DNAH8: variants seen among roughly 807,000 people sequenced by gnomAD.
The protein encoded by DNAH8 is dynein axonemal heavy chain 8.
A neutral mutation model predicts 562.1 loss-of-function variants in DNAH8; 382 were observed. That is an observed-to-expected ratio of 0.68 (90% CI 0.63 to 0.74). The LOEUF is 0.74. Among genes scored for constraint, DNAH8 ranks in the 30% least tolerant of loss-of-function variants. The pLI is 0.00. For synonymous variants in DNAH8, 1,881 were observed against 1,919.4 expected (o/e 0.98, Z 0.52); for missense variants, 5,203 against 5,620.4 (o/e 0.93, Z 2.37).
rs564364221 is a variant in DNAH8 at position 38,899,578 on chromosome 6, A to G, written c.9064-198A>G. 5.9e-5 allele frequency among the ~76,000 whole-genome samples: 9 copies of G among 152,378 alleles called. No homozygotes were observed. In the East Asian group the frequency reaches 1.5e-3, roughly 26 times the overall value. On this transcript the variant is annotated intron_variant, in intron 61 of 92. Coordinates refer to ENST00000327475, the MANE Select transcript of DNAH8 (RefSeq NM_001206927.2). ...TTGTTCTGTTCTTCATGATGTAAAC[A>G]TAGATGGTCAAGGAAAGATTCGAGC... is the stretch of plus-strand genomic sequence containing the variant.
Position 38,790,342 on chromosome 6 carries a change from A to G in DNAH8, c.2718A>G (p.Thr906=), listed in dbSNP as rs774758750. The change falls in exon 20 of 93, where the codon ACA becomes ACG. Residue 906 remains threonine (T), a synonymous_variant. Transcript: ENST00000327475. ...CAGTGTTAACATGGTCGTCTTTAAC[A>G]CTGGAAAGCTTCTTTCAAGAAGTCG... is the stretch of plus-strand genomic sequence containing the variant. ...GLTVLTWSSL[T]LESFFQEVEL... is the part of the protein sequence containing the mutation. 1.2e-6 allele frequency: 2 copies of G among 1,608,612 alleles called. No individual in the cohort carries two copies. Among genetic ancestry groups the G allele is most frequent in the African/African-American group, 1.3e-5 (1 of 74,476 alleles).
intron 47 of DNAH8, among the ~76,000 whole-genome samples, chr6:38,867,721 T>G (rs1415580204): frequency 7.3e-6 from 1 of 136,460 alleles, no homozygotes; most frequent in Non-Finnish European, 1.5e-5. Context: ...CCACTGCACT[T>G]CAGCCTGGAT....
Position 38,973,713 on chromosome 6 carries a change from A to T in DNAH8, c.12578A>T (p.Glu4193Val). Residue 4193 changes from glutamate to valine, a missense_variant, in exon 84 of 93, where the codon GAA becomes GTA. By Grantham distance (121) the Glu-to-Val change is moderately radical (BLOSUM62 -2). Transcript: ENST00000327475. ...CACCTTGGCCTGGAATTCATGGAAG[A>T]ATTACTAGAGACGCTAATTACCACT... Reference protein sequence around the residue: ...NCHLGLEFMEELLETLITTEA... With the variant: ...NCHLGLEFMEVLLETLITTEA... 1 of 1,609,468 alleles carries T rather than the reference A, an allele frequency of 6.2e-7. No homozygotes were observed. The highest frequency in any genetic ancestry group is 2.3e-5 in the East Asian group (1 of 44,410).
chr6:38,916,221 A>G (rs1029613986), intron 68 of DNAH8, among the ~76,000 whole-genome samples: 1 of 152,210 alleles, frequency 6.6e-6, no homozygotes, highest in Admixed American at 6.5e-5. Context: ...CCAGTCATAC[A>G]GAAAAATGTA....
rs565717381 is a variant in DNAH8 at position 38,822,266 on chromosome 6, A to AG, written c.3524-572_3524-571insG. 494 of 152,434 alleles carry AG rather than the reference A, an allele frequency of 3.2e-3. 3 individuals carry two copies. The highest frequency in any genetic ancestry group is 0.027 in the Middle Eastern group (8 of 296). The allele number at this position is 152,434 out of a possible 1,614,324, so 9.4% of individuals were successfully genotyped here. A position where few individuals can be genotyped will look rare whatever the true frequency, so the allele number is the denominator to read the frequency against. ...AAAATAAAAGCATTGGTGACTATTG[A>AG]AGACTGTATCAAACTGAACAGTCTA... On this transcript the variant is annotated intron_variant, in intron 26 of 92. Coordinates refer to ENST00000327475, the MANE Select transcript of DNAH8 (RefSeq NM_001206927.2).
In DNAH8 at chr6:39,030,520, T is replaced by C; in HGVS notation, c.*128T>C. On this transcript the variant is annotated 3_prime_UTR_variant, in exon 93 of 93. Coordinates refer to ENST00000327475, the MANE Select transcript of DNAH8 (RefSeq NM_001206927.2). ...TACTCTTTCTACATTAAAAAGTTGA[T>C]GTTCTAAAATTGCTAGTGCGTGTGT... 1 of 809,890 alleles carries C rather than the reference T, an allele frequency of 1.2e-6. No homozygotes were observed. Among genetic ancestry groups the C allele is most frequent in the Non-Finnish European group, 1.9e-6 (1 of 526,110 alleles). 50.2% of individuals were successfully genotyped at this position (809,890 alleles called of 1,614,324 possible).
At chr6:39,010,960 A>AC (rs1363769825) in intron 89 of DNAH8, among the ~76,000 whole-genome samples, 2 of 152,068 alleles carry the variant, frequency 1.3e-5, no homozygotes, top group Non-Finnish European at 2.9e-5. Flanking sequence ...AGGCTCTAGA[A>AC]CCAAGAATTC....
intron 23 of DNAH8, 23 bp from the exon 24 acceptor site, chr6:38,807,587 T>C: frequency 7.4e-7 from 1 of 1,355,724 alleles, no homozygotes; most frequent in Non-Finnish European, 9.8e-7. Context: ...AGATACCAAA[T>C]TTAATCTGAT....
In DNAH8 at chr6:38,971,353, CT is replaced by C. The variant is rs1262715556; in HGVS notation, c.12452-234del. 2.0e-5 allele frequency among the ~76,000 whole-genome samples: 3 copies of C among 152,226 alleles called. No individual in the cohort carries two copies. In the East Asian group the frequency reaches 5.8e-4, roughly 29 times the overall value. On this transcript the variant is annotated intron_variant, in intron 82 of 92. Transcript: ENST00000327475. ...CTCTCTAAAAGCCCACCATACGTGC[CT>C]TTTTCTCTCCCTTCCTGACCCCCAA... is the stretch of plus-strand genomic sequence containing the variant.
Position 38,921,491 on chromosome 6 carries a change from A to G in DNAH8, c.10647A>G (p.Ala3549=). 1.2e-6 allele frequency: 2 copies of G among 1,613,246 alleles called. No homozygotes were observed. Among genetic ancestry groups the G allele is most frequent in the South Asian group, 1.1e-5 (1 of 90,922 alleles). Residue 3549 remains alanine, a synonymous_variant, in exon 71 of 93, where the codon GCA becomes GCG. Transcript: ENST00000327475. ...AAGTACAGGCAAAATTTGATGCAGC[A>G]ATGAATGAGAAAATGGTGAGATTAA... ...LDKVQAKFDA[A]MNEKMDLLND... is the part of the protein sequence containing the mutation.
rs1227681840 is a variant in DNAH8 at position 38,815,792 on chromosome 6, C to T, written c.3523+135C>T. 11 of 840,334 alleles carry T rather than the reference C, an allele frequency of 1.3e-5. No homozygotes were observed. The East Asian group carries it at 2.5e-4, about 19-fold the overall frequency. The allele number at this position is 840,334 out of a possible 1,614,324, so 52.1% of individuals were successfully genotyped here. A position where few individuals can be genotyped will look rare whatever the true frequency, so the allele number is the denominator to read the frequency against. On this transcript the variant is annotated intron_variant, in intron 26 of 92. Coordinates refer to ENST00000327475, the MANE Select transcript of DNAH8 (RefSeq NM_001206927.2). ...TATGTTTCATCTTAAACATAACGTG[C>T]AGGCATTTTTTCCTGGCTTTGGGTG... is the stretch of plus-strand genomic sequence containing the variant.
At chr6:38,884,880 C>A (rs1258054867) in intron 56 of DNAH8, among the ~76,000 whole-genome samples, 2 of 152,170 alleles carry the variant, frequency 1.3e-5, no homozygotes, top group Non-Finnish European at 2.9e-5. Flanking sequence ...CCGGTGTTGC[C>A]AGAAGTCCGC....
At position 39,030,175 on chromosome 6, in the gene DNAH8, A is replaced by T. The variant is rs1277832623; in HGVS notation, c.13907A>T (p.Glu4636Val). 1 of 1,613,954 alleles carries T rather than the reference A, an allele frequency of 6.2e-7. No individual in the cohort carries two copies. Among genetic ancestry groups the T allele is most frequent in the Non-Finnish European group, 8.5e-7 (1 of 1,180,004 alleles). ...AWDRRNGKLM[E>V]STPKVLFTQL... ...GACAGACGGAATGGGAAGCTCATGGAATCCACCCCCAAGGTACTCTTCACG... is the reference window on the plus strand; with the variant it reads ...GACAGACGGAATGGGAAGCTCATGGTATCCACCCCCAAGGTACTCTTCACG... The change falls in exon 93 of 93, where the codon GAA becomes GTA. Residue 4636 changes from glutamate to valine, a missense_variant. Around this residue, in one of 6 missense-constraint regions of DNAH8, gnomAD observed 1,399 missense variants for 1,518.4 expected, o/e 0.92. Coordinates refer to ENST00000327475, the MANE Select transcript of DNAH8 (RefSeq NM_001206927.2).
chr6:38,866,992 T>G, intron 47 of DNAH8, 116 bp downstream of exon 47: 1 of 607,340 alleles, frequency 1.6e-6, no homozygotes, highest in Admixed American at 3.1e-5. Flanking sequence ...TTTTCTAAAA[T>G]GCTTTTAGAA....
rs568312577 is a variant in DNAH8 at position 38,730,907 on chromosome 6, TC to T, written c.610+925del. ...TTGCCTTTCTTCTCTCCACTCAGCATCCCCTACCCGGCTCCTTCAGAACACC... is the reference window on the plus strand; with the variant it reads ...TTGCCTTTCTTCTCTCCACTCAGCATCCCTACCCGGCTCCTTCAGAACACC... On this transcript the variant is annotated intron_variant, in intron 4 of 92. Coordinates refer to ENST00000327475, the MANE Select transcript of DNAH8 (RefSeq NM_001206927.2). 2.9e-3 allele frequency among the ~76,000 whole-genome samples: 437 copies of T among 152,166 alleles called. 2 individuals are homozygous for T. Among genetic ancestry groups the T allele is most frequent in the African/African-American group, 0.01 (422 of 41,510 alleles).
chr6:38,783,807 A>G (rs533972124), intron 17 of DNAH8, among the ~76,000 whole-genome samples: 1 of 152,180 alleles, frequency 6.6e-6, no homozygotes, highest in Non-Finnish European at 1.5e-5. Flanking sequence ...TCTTAGTTAT[A>G]ATCTCAACCC....
chr6:38,809,981 TCTTTA>T (rs1165992897), intron 24 of DNAH8, among the ~76,000 whole-genome samples: 4 of 152,348 alleles, frequency 2.6e-5, no homozygotes, highest in Admixed American at 1.3e-4. Flanking sequence ...TGTTTCAGTC[TCTTTA>T]CTTAAGCCTT....
intron 53 of DNAH8, among the ~76,000 whole-genome samples, chr6:38,878,612 A>G (rs767421526): frequency 1.3e-5 from 2 of 152,212 alleles, no homozygotes; most frequent in African/African-American, 2.4e-5. Flanking sequence ...ATACATTACC[A>G]TAGTCAAGGA....
intron 82 of DNAH8, among the ~76,000 whole-genome samples, chr6:38,955,418 G>T (rs1762179103): frequency 6.6e-6 from 1 of 152,016 alleles, no homozygotes; most frequent in Admixed American, 6.6e-5. Context: ...ATCATCTGAG[G>T]TCAGGAGTTT....
Sources: allele counts gnomAD v4.1 joint callset (sites outside exome capture counted in the v4.1 genomes callset), GRCh38; gene constraint gnomAD v4.1.1; regional missense constraint gnomAD v4.1.1; transcripts MANE v1.5; gene names NCBI Gene and HGNC (gene_info 2026-07-23, HGNC 2026-07-21).